MAGI1: variants seen among roughly 807,000 people sequenced by gnomAD.
The protein encoded by MAGI1 is membrane-associated guanylate kinase, WW and PDZ domain-containing protein 1.
Under a neutral mutation model 139.9 loss-of-function variants are expected in MAGI1, and 58 were observed. The ratio of observed to expected loss-of-function variants is 0.41; its 90% CI spans 0.34 to 0.52. The LOEUF (loss-of-function observed/expected upper bound fraction) is 0.52, where lower values mean the gene tolerates loss of function less well. MAGI1 is among the 20% of genes least tolerant of loss of function. The probability of loss-of-function intolerance (pLI) is 0.12; values close to 1 mark genes in which losing one functional copy is unlikely to be tolerated. For missense variants in MAGI1, 1,874 were observed against 1,901.6 expected (o/e 0.99, Z 0.27); for synonymous variants, 812 against 737.9 (o/e 1.10, Z -1.63).
At chr3:65,621,917 T>TCACACACACACACACC (rs2083688839) in intron 2 of MAGI1, 55 bp downstream of exon 2, 1 of 934,288 alleles carries the variant, frequency 1.1e-6, no homozygotes, top group Admixed American at 2.2e-5. Flanking sequence ...CCTGGACTTT[T>TCACACACACACACACC]CACACACACA....
chr3:65,593,088 C>A (rs964000788), intron 2 of MAGI1, among the ~76,000 whole-genome samples: 1 of 152,060 alleles, frequency 6.6e-6, no homozygotes, highest in Non-Finnish European at 1.5e-5. Flanking sequence ...TAAAAAGTCC[C>A]AAGCTAGAAA....
At chr3:65,934,152 C>T (rs1311919000) in intron 1 of MAGI1, among the ~76,000 whole-genome samples, 3 of 152,106 alleles carry the variant, frequency 2.0e-5, no homozygotes, top group East Asian at 1.9e-4. Flanking sequence ...AAACAAATCC[C>T]TATTCCTTCA....
chr3:65,751,248 G>T (rs2036125367), intron 1 of MAGI1, among the ~76,000 whole-genome samples: 1 of 152,202 alleles, frequency 6.6e-6, no homozygotes, highest in Non-Finnish European at 1.5e-5. Flanking sequence ...TAAATGTAAA[G>T]ATCCTTCAGC....
In MAGI1 at chr3:66,009,379, C is replaced by T. The variant is rs544398924; in HGVS notation, c.313+28617G>A. On this transcript the variant is annotated intron_variant, in intron 1 of 22. Coordinates refer to ENST00000402939, the MANE Select transcript of MAGI1 (RefSeq NM_001033057.2). ...ACAAAAATTAGCCGGGCGTGGTGGC[C>T]GGTGCTTGTAATCCCAGCTACCCGG... Among the ~76,000 whole-genome samples the T allele has an allele frequency of 2.0e-5, 3 of 152,018 alleles. No homozygotes were observed. In the South Asian group the frequency reaches 6.3e-4, roughly 32 times the overall value.
At chr3:65,670,981 A>G (rs551581457) in intron 1 of MAGI1, among the ~76,000 whole-genome samples, 2 of 152,316 alleles carry the variant, frequency 1.3e-5, no homozygotes, top group South Asian at 4.1e-4. Context: ...TTTATGATGT[A>G]AAATAACTGA....
chr3:65,606,453 A>G (rs574266728), intron 2 of MAGI1, among the ~76,000 whole-genome samples: 13 of 150,122 alleles, frequency 8.7e-5, no homozygotes, highest in Non-Finnish European at 1.5e-4. Context: ...CAATCCTCCC[A>G]CCTTAGCCCC....
chr3:65,886,208 A>C (rs1031010140), intron 1 of MAGI1, among the ~76,000 whole-genome samples: 1 of 152,184 alleles, frequency 6.6e-6, no homozygotes, highest in African/African-American at 2.4e-5. Flanking sequence ...GTTTCACACC[A>C]ATTCTGCACA....
intron 15 of MAGI1, 92 bp from the exon 16 acceptor site, chr3:65,382,161 T>C (rs1477878111): frequency 2.3e-5 from 25 of 1,111,030 alleles, no homozygotes; most frequent in Non-Finnish European, 2.9e-5. Flanking sequence ...AATTCATTCA[T>C]TCATGTCTGC....
At chr3:65,605,377 C>T (rs759602947) in intron 2 of MAGI1, among the ~76,000 whole-genome samples, 1 of 152,070 alleles carries the variant, frequency 6.6e-6, no homozygotes, top group Non-Finnish European at 1.5e-5. Flanking sequence ...CACATACCAG[C>T]CAAATGAGTT....
chr3:65,636,645 C>T (rs148183200), intron 1 of MAGI1, among the ~76,000 whole-genome samples: 1 of 151,796 alleles, frequency 6.6e-6, no homozygotes, highest in Admixed American at 6.6e-5. Flanking sequence ...AAAGAGCAAA[C>T]GGGCAACCCA....
At chr3:65,555,805 C>T (rs889241215) in intron 2 of MAGI1, among the ~76,000 whole-genome samples, 2 of 152,122 alleles carry the variant, frequency 1.3e-5, no homozygotes, top group East Asian at 3.9e-4. Flanking sequence ...TACAGTGAGC[C>T]ATGTTCATGC....
rs570117651 is a variant in MAGI1, at chr3:65,542,226, C to T, written c.431-48595G>A. Among the ~76,000 whole-genome samples, 7 of 152,252 alleles carry T rather than the reference C, an allele frequency of 4.6e-5. No homozygotes were observed. The South Asian group carries it at 1.4e-3, about 32-fold the overall frequency. ...ACAACTTACAAGGGATGTGAAGGAA[C>T]TCTTCAAGGAGAATTACAAGCCACT... is the stretch of plus-strand genomic sequence containing the variant. On this transcript the variant is annotated intron_variant, in intron 2 of 22. Transcript: ENST00000402939.
intron 13 of MAGI1, among the ~76,000 whole-genome samples, chr3:65,393,259 TC>T (rs869119345): frequency 2.0e-5 from 3 of 151,930 alleles, no homozygotes; most frequent in Admixed American, 1.3e-4. Flanking sequence ...TTGCTTTTTT[TC>T]CCCCCCTCTT....
At chr3:65,959,951 G>C (rs545681418) in intron 1 of MAGI1, among the ~76,000 whole-genome samples, 39 of 151,106 alleles carry the variant, frequency 2.6e-4, no homozygotes, top group South Asian at 1.3e-3. Flanking sequence ...GATTACAGGA[G>C]CCCGCCATCA....
chr3:65,529,575 A>G (rs1285088749), intron 2 of MAGI1, among the ~76,000 whole-genome samples: 2 of 152,196 alleles, frequency 1.3e-5, no homozygotes, highest in Non-Finnish European at 2.9e-5. Flanking sequence ...ATTCTCTCAC[A>G]TGGATATACC....
chr3:65,857,570 C>A (rs1168872428), intron 1 of MAGI1, among the ~76,000 whole-genome samples: 1 of 152,130 alleles, frequency 6.6e-6, no homozygotes, highest in Non-Finnish European at 1.5e-5. Context: ...GCTCAGGCTG[C>A]CTTGGTAGAG....
chr3:65,887,839 T>C (rs761017769), intron 1 of MAGI1, among the ~76,000 whole-genome samples: 14 of 152,296 alleles, frequency 9.2e-5, no homozygotes, highest in Non-Finnish European at 1.8e-4. Context: ...CTATTATTCA[T>C]TGAATTTATT....
rs553720410 is a variant in MAGI1, at chr3:66,023,554, T to G, written c.313+14442A>C. On this transcript the variant is annotated intron_variant, in intron 1 of 22. Coordinates refer to ENST00000402939, the MANE Select transcript of MAGI1 (RefSeq NM_001033057.2). ...GTTTGCAAAAAACAAAAAACAAAAT[T>G]CTACCATGTAATGCTGGCACTGAAA... is the stretch of plus-strand genomic sequence containing the variant. Among the ~76,000 whole-genome samples, 28 of 152,224 alleles carry G rather than the reference T, an allele frequency of 1.8e-4. 1 individual carries two copies. In the South Asian group the frequency reaches 5.8e-3, roughly 32 times the overall value.
chr3:65,557,696 C>G (rs895350786), intron 2 of MAGI1, among the ~76,000 whole-genome samples: 2 of 152,136 alleles, frequency 1.3e-5, no homozygotes, highest in African/African-American at 2.4e-5. Flanking sequence ...GTGCCAGTCT[C>G]CTCATCAGTT....
Sources: gnomAD v4.1 joint callset for allele counts (sites outside exome capture counted in the v4.1 genomes callset) on GRCh38, gnomAD v4.1.1 for gene constraint, MANE v1.5 for transcripts, NCBI Gene and HGNC (gene_info 2026-07-23, HGNC 2026-07-21) for gene names.